Variants in DCAF6 observed in about 807,000 individuals in gnomAD.
The protein encoded by DCAF6 is DDB1 and CUL4 associated factor 6.
DCAF6 carries 54 observed loss-of-function variants against 125.1 expected under a neutral mutation model. The observed-to-expected ratio is 0.43, with a 90% CI of 0.35 to 0.54. The LOEUF (loss-of-function observed/expected upper bound fraction) is 0.54, where lower values mean the gene tolerates loss of function less well. DCAF6 is among the 20% of genes least tolerant of loss of function. The pLI is 0.01. For synonymous variants in DCAF6, 371 were observed against 390.4 expected, an observed-to-expected ratio of 0.95 and a Z score of 0.58; for missense variants, 934 against 1,161.7, an observed-to-expected ratio of 0.80 and a Z score of 2.85.
At chr1:167,998,486 T>C (rs1423532629) in intron 7 of DCAF6, among the ~76,000 whole-genome samples, 3 of 152,160 alleles carry the variant, frequency 2.0e-5, no homozygotes, top group Non-Finnish European at 4.4e-5. Context: ...GATGTATTTG[T>C]AGCTTGTAAC....
Position 168,064,218 on chromosome 1 carries a change from A to T in DCAF6, c.2439+459A>T, listed in dbSNP as rs540951782. On this transcript the variant is annotated intron_variant, in intron 18 of 21. Coordinates refer to ENST00000367840, the MANE Select transcript of DCAF6 (RefSeq NM_001198956.2). ...CCCATTTTTAAGATTGACAAGTGAA[A>T]ATTTGTTTTAGTGACTTACCAGATG... is the stretch of plus-strand genomic sequence containing the variant. Among the ~76,000 whole-genome samples the T allele has an allele frequency of 3.3e-5, 5 of 152,082 alleles. No individual in the cohort carries two copies. In the East Asian group the frequency reaches 9.7e-4, roughly 29 times the overall value.
At chr1:167,903,737 T>A in the DCAF6 span, 1 of 658,794 alleles carries the variant, frequency 1.5e-6, no homozygotes, top group Non-Finnish European at 2.8e-6. Context: ...TTATACTATA[T>A]CATATTTCAA....
chr1:168,011,992 A>G (rs1684362623), intron 10 of DCAF6, among the ~76,000 whole-genome samples: 1 of 152,100 alleles, frequency 6.6e-6, no homozygotes, highest in Admixed American at 6.5e-5. Flanking sequence ...AAAGAAAGAA[A>G]GAAAGAAACA....
intron 21 of DCAF6, among the ~76,000 whole-genome samples, chr1:168,072,180 C>G (rs1029638961): frequency 4.0e-5 from 6 of 151,118 alleles, no homozygotes; most frequent in Non-Finnish European, 1.5e-5. Flanking sequence ...GCCTGTAGTC[C>G]CAGCTACTTG....
chr1:168,055,932 T>C lies in DCAF6; in HGVS notation c.2300+4999T>C, dbSNP rs534588812. 25 of 1,570,682 alleles carry C rather than the reference T, an allele frequency of 1.6e-5. No homozygotes were observed. The East Asian group carries it at 5.4e-4, about 34-fold the overall frequency. ...CTCAATAGATTTTATGTATTTCTCA[T>C]ATGCTTCTTCACTCATAAGTTCATC... is the stretch of plus-strand genomic sequence containing the variant. On this transcript the variant is annotated intron_variant, in intron 17 of 21. Coordinates refer to ENST00000367840, the MANE Select transcript of DCAF6 (RefSeq NM_001198956.2).
At chr1:167,889,264 T>C in the DCAF6 span, among the ~76,000 whole-genome samples, 2 of 152,194 alleles carry the variant, frequency 1.3e-5, no homozygotes, top group Non-Finnish European at 2.9e-5. Flanking sequence ...ACACAGTTTT[T>C]TGGGAATTTT....
upstream of DCAF6, among the ~76,000 whole-genome samples, chr1:167,931,115 AG>A (rs1292074792): frequency 7.9e-5 from 12 of 152,200 alleles, no homozygotes; most frequent in African/African-American, 2.7e-4. Flanking sequence ...TATTTTTAGT[AG>A]AGACAGGGTA....
At chr1:168,063,562 CATT>C in intron 17 of DCAF6, 56 bp from the exon 18 acceptor site, 1 of 1,333,634 alleles carries the variant, frequency 7.5e-7, no homozygotes, top group African/African-American at 1.5e-5. Flanking sequence ...ATAAGTTTCT[CATT>C]ATTCTTTGTG....
chr1:168,026,961 A>ATTCCT (rs1686419021), intron 12 of DCAF6, among the ~76,000 whole-genome samples: 1 of 152,134 alleles, frequency 6.6e-6, no homozygotes, highest in Non-Finnish European at 1.5e-5. Context: ...CTAGCTAATG[A>ATTCCT]GACCAAACAG....
chr1:167,938,261 T>G (rs1383416107), intron 1 of DCAF6, among the ~76,000 whole-genome samples: 4 of 117,900 alleles, frequency 3.4e-5, no homozygotes, highest in Non-Finnish European at 6.6e-5. Flanking sequence ...AATGCTGGGG[T>G]GTGTGTGTGT....
At chr1:167,941,120 CTTTT>C (rs908119677) in intron 1 of DCAF6, among the ~76,000 whole-genome samples, 16 of 151,978 alleles carry the variant, frequency 1.1e-4, no homozygotes, top group African/African-American at 3.6e-4. Flanking sequence ...ACTTTTGCCT[CTTTT>C]TTTAGCCATT....
the DCAF6 span, among the ~76,000 whole-genome samples, chr1:167,913,303 G>C: frequency 2.6e-5 from 4 of 152,288 alleles, no homozygotes; most frequent in Admixed American, 6.5e-5. Flanking sequence ...ATTAGGGTTC[G>C]ATTATATTCA....
the DCAF6 span, among the ~76,000 whole-genome samples, chr1:167,893,621 G>A: frequency 6.1e-5 from 9 of 147,448 alleles, no homozygotes; most frequent in Admixed American, 1.4e-4. Flanking sequence ...GCTTGAACCC[G>A]GGAGGCGGAG....
rs189925434 is a variant in DCAF6, at chr1:168,052,781, A to G, written c.2300+1848A>G. ...GTAAATAAAATGGTAGTCATCCCCT[A>G]TTCTTCATTCTACTTTTATTACCTC... On this transcript the variant is annotated intron_variant, in intron 17 of 21. Coordinates refer to ENST00000367840, the MANE Select transcript of DCAF6 (RefSeq NM_001198956.2). Among the ~76,000 whole-genome samples, 4 of 152,276 alleles carry G rather than the reference A, an allele frequency of 2.6e-5. No individual in the cohort carries two copies. In the East Asian group the frequency reaches 7.7e-4, roughly 29 times the overall value.
intron 2 of DCAF6, among the ~76,000 whole-genome samples, chr1:167,956,816 ACCATCTGTTATTTCTATGG>A (rs1322283948): frequency 5.9e-5 from 9 of 152,056 alleles, no homozygotes; most frequent in Non-Finnish European, 1.0e-4. Flanking sequence ...TTCTTCTTTG[ACCATCTGTTATTTCTATGG>A]CCATCTGTTA....
chr1:168,073,713 G>T (rs2102040647), intron 21 of DCAF6, among the ~76,000 whole-genome samples: 1 of 152,050 alleles, frequency 6.6e-6, no homozygotes, highest in East Asian at 1.9e-4. Flanking sequence ...AACATGACAG[G>T]ATAGGTTTCT....
chr1:168,017,576 T>G (rs1039100690), intron 11 of DCAF6, among the ~76,000 whole-genome samples: 5 of 152,118 alleles, frequency 3.3e-5, no homozygotes, highest in African/African-American at 9.6e-5. Context: ...TCTTTCCAAC[T>G]CTTAAGTGTT....
intron 12 of DCAF6, chr1:168,023,376 A>G (rs968955631): frequency 3.7e-5 from 14 of 374,336 alleles, no homozygotes; most frequent in Non-Finnish European, 6.9e-5. Flanking sequence ...TGTGGGTGTG[A>G]GGTTAATACT....
At chr1:167,899,576 G>A in the DCAF6 span, 1 of 1,614,196 alleles carries the variant, frequency 6.2e-7, no homozygotes. Context: ...CCAGAAAGTG[G>A]CTGTGTGTTT....
Sources: gnomAD v4.1 joint callset for allele counts (sites outside exome capture counted in the v4.1 genomes callset) on GRCh38, gnomAD v4.1.1 for gene constraint, MANE v1.5 for transcripts, NCBI Gene and HGNC (gene_info 2026-07-23, HGNC 2026-07-21) for gene names.